The following ITFG1 variants were observed in gnomAD, a reference collection of about 807,000 sequenced individuals.
The protein encoded by ITFG1 is T-cell immunomodulatory protein.
ITFG1 carries 34 observed loss-of-function variants against 81.8 expected under a neutral mutation model. The observed-to-expected ratio is 0.42, with a 90% CI of 0.32 to 0.55. The LOEUF is 0.55. Ranked by LOEUF, ITFG1 falls within the 20% of genes least tolerant of loss-of-function variation. ITFG1 has a pLI of 0.17. For missense variants in ITFG1, 672 were observed against 755.4 expected (o/e 0.89, Z 1.29); for synonymous variants, 285 against 270.6 (o/e 1.05, Z -0.52).
intron 10 of ITFG1, among the ~76,000 whole-genome samples, chr16:47,288,089 C>T (rs1183122073): frequency 2.0e-5 from 3 of 152,158 alleles, no homozygotes; most frequent in Non-Finnish European, 2.9e-5. Context: ...TATTAACCAA[C>T]CCTTGGCGTT....
rs983529716 is a variant in ITFG1 at position 47,437,040 on chromosome 16, G to A, written c.561-8142C>T. ...TATTGTATCTTTGCCAATAATATACGGTTTAATAAAATATTTCTACTTTTT... is the reference window on the plus strand; with the variant it reads ...TATTGTATCTTTGCCAATAATATACAGTTTAATAAAATATTTCTACTTTTT... On this transcript the variant is annotated intron_variant, in intron 5 of 17. Coordinates refer to ENST00000320640, the MANE Select transcript of ITFG1 (RefSeq NM_030790.5). 4.0e-5 allele frequency among the ~76,000 whole-genome samples: 6 copies of A among 151,724 alleles called. No homozygotes were observed. In the East Asian group the frequency reaches 7.7e-4, roughly 20 times the overall value.
chr16:47,164,535 A>G (rs1411198749), intron 14 of ITFG1, among the ~76,000 whole-genome samples: 3 of 152,232 alleles, frequency 2.0e-5, no homozygotes, highest in African/African-American at 7.2e-5. Flanking sequence ...GGAATTTGCA[A>G]AGTCTTCTAG....
intron 5 of ITFG1, among the ~76,000 whole-genome samples, chr16:47,436,610 C>G (rs1030469007): frequency 6.6e-6 from 1 of 152,074 alleles, no homozygotes; most frequent in Non-Finnish European, 1.5e-5. Flanking sequence ...GATGTAAATG[C>G]TAAGAAATCT....
At chr16:47,451,547 C>T (rs770540390) in intron 4 of ITFG1, 77 bp from the exon 5 acceptor site, 62 of 784,530 alleles carry the variant, frequency 7.9e-5, no homozygotes, top group Non-Finnish European at 1.3e-4. Flanking sequence ...GAAGCAGTAA[C>T]TTTTGGGAAG....
chr16:47,224,878 G>C (rs1437721644), intron 13 of ITFG1, among the ~76,000 whole-genome samples: 7 of 152,110 alleles, frequency 4.6e-5, no homozygotes, highest in Non-Finnish European at 1.5e-5. Flanking sequence ...AAGTGCCTGT[G>C]GTCCCAGCTA....
chr16:47,175,441 A>C (rs1965013082), intron 14 of ITFG1, among the ~76,000 whole-genome samples: 1 of 152,102 alleles, frequency 6.6e-6, no homozygotes, highest in African/African-American at 2.4e-5. Context: ...ATATATTCAC[A>C]GATAGCTTTA....
rs188071608 is a variant in ITFG1 at position 47,307,924 on chromosome 16, G to A, written c.1070+3316C>T. On this transcript the variant is annotated intron_variant, in intron 10 of 17. Transcript: ENST00000320640. ...TGATTTTCTGTGCCTGTGTTAATTC[G>A]CCTAGGAAAATGGCCTCTAGCTGCA... Among the ~76,000 whole-genome samples the A allele has an allele frequency of 1.7e-3, 255 of 152,208 alleles. 1 individual carries two copies. The Middle Eastern group carries it at 0.017, about 10-fold the overall frequency.
At chr16:47,195,527 TAA>T (rs1965347927) in intron 14 of ITFG1, among the ~76,000 whole-genome samples, 1 of 152,160 alleles carries the variant, frequency 6.6e-6, no homozygotes, top group Admixed American at 6.5e-5. Context: ...ATAAGAAAAA[TAA>T]AAGACCTTAT....
intron 14 of ITFG1, among the ~76,000 whole-genome samples, chr16:47,200,457 T>C (rs1199288079): frequency 6.6e-6 from 1 of 152,216 alleles, no homozygotes; most frequent in Non-Finnish European, 1.5e-5. Context: ...AAAGTGATGA[T>C]GACAATGATT....
intron 10 of ITFG1, among the ~76,000 whole-genome samples, 182 bp downstream of exon 10, chr16:47,311,058 A>C (rs1221220613): frequency 6.6e-6 from 1 of 152,128 alleles, no homozygotes; most frequent in Non-Finnish European, 1.5e-5. Context: ...GAAAAAAAAA[A>C]AAACAACTAA....
At chr16:47,297,995 G>T (rs1967010168) in intron 10 of ITFG1, among the ~76,000 whole-genome samples, 1 of 152,046 alleles carries the variant, frequency 6.6e-6, no homozygotes, top group African/African-American at 2.4e-5. Context: ...TTACTATGTA[G>T]TACATATTGA....
At chr16:47,460,816 G>T in intron 1 of ITFG1, 22 bp downstream of exon 1, 11 of 1,610,942 alleles carry the variant, frequency 6.8e-6, no homozygotes, top group Non-Finnish European at 9.3e-6. Flanking sequence ...GCGAACAGAG[G>T]GAGGGCCCGG....
At chr16:47,332,543 A>T (rs570622851) in intron 8 of ITFG1, among the ~76,000 whole-genome samples, 9 of 152,342 alleles carry the variant, frequency 5.9e-5, no homozygotes, top group Non-Finnish European at 1.3e-4. Flanking sequence ...AATTTAAATA[A>T]TCAGTCAACA....
intron 8 of ITFG1, among the ~76,000 whole-genome samples, chr16:47,328,880 G>A (rs957342486): frequency 6.6e-6 from 1 of 152,040 alleles, no homozygotes; most frequent in Non-Finnish European, 1.5e-5. Flanking sequence ...GCAAGAAACT[G>A]AAATACAATC....
intron 10 of ITFG1, among the ~76,000 whole-genome samples, chr16:47,306,830 C>G (rs1049269180): frequency 1.3e-5 from 2 of 151,748 alleles, no homozygotes; most frequent in African/African-American, 4.8e-5. Context: ...CGCGGTGGCT[C>G]ACGCCTGTAA....
intron 10 of ITFG1, among the ~76,000 whole-genome samples, chr16:47,269,903 GT>G (rs987745456): frequency 6.6e-6 from 1 of 152,200 alleles, no homozygotes; most frequent in African/African-American, 2.4e-5. Flanking sequence ...TAGTAATCAA[GT>G]GTGGTACTGC....
At chr16:47,238,200 T>TTAA in intron 12 of ITFG1, 192 bp from the exon 13 acceptor site, 1 of 479,956 alleles carries the variant, frequency 2.1e-6, no homozygotes, top group East Asian at 4.0e-5. Context: ...AAAGCCTTTA[T>TTAA]TAAACTGTCA....
chr16:47,253,274 A>C (rs1966098918), intron 12 of ITFG1, among the ~76,000 whole-genome samples: 1 of 152,218 alleles, frequency 6.6e-6, no homozygotes, highest in South Asian at 2.1e-4. Flanking sequence ...AACATATATA[A>C]AACTGAAAAT....
intron 6 of ITFG1, among the ~76,000 whole-genome samples, chr16:47,385,107 T>C (rs1968444570): frequency 6.6e-6 from 1 of 152,222 alleles, no homozygotes; most frequent in Non-Finnish European, 1.5e-5. Context: ...GTGCAATTCG[T>C]TTTAAGAAGT....
Sources: allele counts gnomAD v4.1 joint callset (sites outside exome capture counted in the v4.1 genomes callset), GRCh38; gene constraint gnomAD v4.1.1; transcripts MANE v1.5; gene names NCBI Gene and HGNC (gene_info 2026-07-23, HGNC 2026-07-21).